LRRC72: variants seen among roughly 807,000 people sequenced by gnomAD.
LRRC72 encodes leucine rich repeat containing 72.
Under a neutral mutation model 35.8 loss-of-function variants are expected in LRRC72, and 41 were observed. The ratio of observed to expected loss-of-function variants is 1.15; its 90% CI spans 0.89 to 1.49. The LOEUF (loss-of-function observed/expected upper bound fraction) is 1.49. Among genes scored for constraint, LRRC72 ranks in the 40% most tolerant of loss-of-function variants. The pLI is 0.00. For missense variants in LRRC72, 389 were observed against 330.7 expected, an observed-to-expected ratio of 1.18 and a Z score of -1.37; for synonymous variants, 118 against 119.2, an observed-to-expected ratio of 0.99 and a Z score of 0.07.
intron 6 of LRRC72, 22 bp from the exon 7 acceptor site, chr7:16,567,369 C>A: frequency 7.1e-7 from 1 of 1,403,674 alleles, no homozygotes; most frequent in Non-Finnish European, 9.5e-7. Flanking sequence ...TATGCAATAA[C>A]ATTACTTTTT....
At chr7:16,569,153 T>C (rs368656709) in intron 7 of LRRC72, among the ~76,000 whole-genome samples, 76 of 152,196 alleles carry the variant, frequency 5.0e-4, no homozygotes, top group Middle Eastern at 3.4e-3. Flanking sequence ...GGTGGCCAGG[T>C]GCGGTGGTTC....
At chr7:16,571,999 G>T (rs972697648) in intron 7 of LRRC72, among the ~76,000 whole-genome samples, 1 of 152,198 alleles carries the variant, frequency 6.6e-6, no homozygotes, top group East Asian at 1.9e-4. Context: ...GGTCGCCCGA[G>T]CTTGGTGGGG....
intron 3 of LRRC72, among the ~76,000 whole-genome samples, chr7:16,551,949 G>A (rs1158545694): frequency 6.6e-6 from 1 of 152,160 alleles, no homozygotes; most frequent in Non-Finnish European, 1.5e-5. Flanking sequence ...AGTCTTGTGG[G>A]ACTGAGCCCC....
rs1328931602 is a variant in LRRC72 at position 16,527,025 on chromosome 7, C to T, written c.73C>T (p.Leu25=). The change falls in exon 1 of 9, where the codon CTA becomes TTA. Residue 25 remains leucine, a synonymous_variant. Transcript: ENST00000401542. ...WRLRRASETA[L]QSSRRAVEDQ... is the part of the protein sequence containing the mutation. Reference sequence around the variant, plus strand: ...CCTACGGAGGGCATCCGAAACTGCCCTACAGAGCAGTCGCCGGGTAAGCGG... The same window carrying T: ...CCTACGGAGGGCATCCGAAACTGCCTTACAGAGCAGTCGCCGGGTAAGCGG... 8 of 1,538,894 alleles carry T rather than the reference C, an allele frequency of 5.2e-6. No homozygotes were observed. Among genetic ancestry groups the T allele is most frequent in the Non-Finnish European group, 7.0e-6 (8 of 1,146,912 alleles).
In LRRC72 at chr7:16,557,340, T is replaced by G. The variant is rs564277061; in HGVS notation, c.235-20T>G. ...ACAGTTATTATAGAAAGTATATTGT[T>G]CTCTAACTCTCATTTTTAGCTCCAT... is the stretch of plus-strand genomic sequence containing the variant. On this transcript the variant is annotated intron_variant, in intron 3 of 8. Coordinates refer to ENST00000401542, the MANE Select transcript of LRRC72 (RefSeq NM_001195280.2). 2 of 986,704 alleles carry G rather than the reference T, an allele frequency of 2.0e-6. No homozygotes were observed. Among genetic ancestry groups the G allele is most frequent in the Admixed American group, 7.1e-5 (2 of 28,246 alleles). 61.1% of individuals were successfully genotyped at this position (986,704 alleles called of 1,614,324 possible). A position where few individuals can be genotyped will look rare whatever the true frequency, so the allele number is the denominator to read the frequency against.
chr7:16,570,811 AAAAC>A (rs1321941356), intron 7 of LRRC72, among the ~76,000 whole-genome samples: 19 of 152,166 alleles, frequency 1.2e-4, no homozygotes, highest in South Asian at 8.3e-4. Context: ...ACCCTCTCTC[AAAAC>A]AAACAAACAA....
chr7:16,562,243 T>G (rs1782755695), intron 5 of LRRC72, among the ~76,000 whole-genome samples: 1 of 152,118 alleles, frequency 6.6e-6, no homozygotes, highest in Non-Finnish European at 1.5e-5. Flanking sequence ...TAGCTCAGTT[T>G]TCCTCTTCCC....
intron 3 of LRRC72, among the ~76,000 whole-genome samples, chr7:16,538,452 T>A (rs1382771231): frequency 6.6e-6 from 1 of 152,152 alleles, no homozygotes; most frequent in Non-Finnish European, 1.5e-5. Flanking sequence ...TCACCTCACC[T>A]TTATCCCAGG....
intron 7 of LRRC72, among the ~76,000 whole-genome samples, chr7:16,568,514 A>C (rs533409859): frequency 2.6e-4 from 39 of 152,338 alleles, no homozygotes; most frequent in African/African-American, 8.7e-4. Flanking sequence ...GAGAAGGTCC[A>C]ATATAACTTC....
intron 1 of LRRC72, among the ~76,000 whole-genome samples, chr7:16,527,909 A>G (rs1229940214): frequency 6.6e-6 from 1 of 152,132 alleles, no homozygotes. Flanking sequence ...CTTTGATTCT[A>G]GATCCTCAGG....
At chr7:16,531,112 G>A (rs1340704207) in intron 1 of LRRC72, among the ~76,000 whole-genome samples, 2 of 151,714 alleles carry the variant, frequency 1.3e-5, no homozygotes, top group Admixed American at 6.6e-5. Flanking sequence ...GAACCTGGGA[G>A]GCAGAGGTTG....
At chr7:16,558,361 C>G (rs924513925) in intron 4 of LRRC72, among the ~76,000 whole-genome samples, 4 of 152,188 alleles carry the variant, frequency 2.6e-5, no homozygotes, top group African/African-American at 9.7e-5. Context: ...GTAATCCCAG[C>G]AGTTTGGGAG....
chr7:16,555,806 G>C (rs181743965), intron 3 of LRRC72, among the ~76,000 whole-genome samples: 1 of 151,938 alleles, frequency 6.6e-6, no homozygotes, highest in Non-Finnish European at 1.5e-5. Context: ...CCTATGATAA[G>C]CTTTAGAAAA....
At chr7:16,527,955 C>T (rs1364696819) in intron 1 of LRRC72, among the ~76,000 whole-genome samples, 1 of 152,104 alleles carries the variant, frequency 6.6e-6, no homozygotes, top group Non-Finnish European at 1.5e-5. Flanking sequence ...CTGTTCTCCC[C>T]ATGCTAGAAC....
At chr7:16,573,614 A>T (rs1259496255) in intron 7 of LRRC72, among the ~76,000 whole-genome samples, 1 of 152,206 alleles carries the variant, frequency 6.6e-6, no homozygotes, top group Non-Finnish European at 1.5e-5. Flanking sequence ...CAGAAAACTG[A>T]AACTGGACCT....
chr7:16,578,134 T>C (rs1453327151), intron 7 of LRRC72, among the ~76,000 whole-genome samples: 1 of 152,212 alleles, frequency 6.6e-6, no homozygotes, highest in African/African-American at 2.4e-5. Context: ...TAAATGGTCA[T>C]TCATAGGAGA....
At position 16,534,559 on chromosome 7, in the gene LRRC72, G is replaced by A. The variant is rs553235879; in HGVS notation, c.164+1991G>A. 2.6e-5 allele frequency among the ~76,000 whole-genome samples: 4 copies of A among 152,066 alleles called. No individual in the cohort carries two copies. The South Asian group carries it at 8.3e-4, about 32-fold the overall frequency. On this transcript the variant is annotated intron_variant, in intron 2 of 8. Coordinates refer to ENST00000401542, the MANE Select transcript of LRRC72 (RefSeq NM_001195280.2). ...AAATTAATGACAGTAACTTGACACA[G>A]TTAATACTTTAAAGTTTTAGTGTAT...
chr7:16,571,815 C>G (rs1782950830), intron 7 of LRRC72, among the ~76,000 whole-genome samples: 3 of 152,220 alleles, frequency 2.0e-5, no homozygotes, highest in Admixed American at 6.5e-5. Flanking sequence ...TTTTCATACC[C>G]CAGTGGCACC....
At chr7:16,562,071 T>C (rs1031139858) in intron 5 of LRRC72, among the ~76,000 whole-genome samples, 6 of 152,190 alleles carry the variant, frequency 3.9e-5, no homozygotes, top group Non-Finnish European at 5.9e-5. Flanking sequence ...ATGAGGAGAA[T>C]TGCCAAGGAC....
Sources: gnomAD v4.1 joint callset for allele counts (sites outside exome capture counted in the v4.1 genomes callset) on GRCh38, gnomAD v4.1.1 for gene constraint, MANE v1.5 for transcripts, NCBI Gene and HGNC (gene_info 2026-07-23, HGNC 2026-07-21) for gene names.